The following SPTA1 variants were observed in gnomAD, a reference collection of about 807,000 sequenced individuals.
SPTA1 encodes the protein spectrin alpha, erythrocytic 1, also known as spectrin alpha chain, erythrocytic 1.
SPTA1 carries 177 observed loss-of-function variants against 324.7 expected under a neutral mutation model. The observed-to-expected ratio is 0.55, with a 90% CI of 0.48 to 0.62. The LOEUF is 0.62. SPTA1 is among the 20% of genes least tolerant of loss of function. The probability of loss-of-function intolerance (pLI) is 0.00; values close to 1 mark genes in which losing one functional copy is unlikely to be tolerated. For missense variants in SPTA1, 3,162 were observed against 2,883.6 expected (o/e 1.10, Z -2.21); for synonymous variants, 1,195 against 1,041.3 (o/e 1.15, Z -2.84).
chr1:158,644,542 C>A, intron 29 of SPTA1, 146 bp from the exon 30 acceptor site: 1 of 937,554 alleles, frequency 1.1e-6, no homozygotes, highest in East Asian at 2.6e-5. Context: ...CAAATCTTAG[C>A]TGTACTGGAA....
chr1:158,655,804 C>T (rs1372756468), intron 20 of SPTA1, among the ~76,000 whole-genome samples: 3 of 152,194 alleles, frequency 2.0e-5, no homozygotes, highest in Non-Finnish European at 4.4e-5. Context: ...TTGCCCTGTA[C>T]CTGAGCCATT....
chr1:158,613,133 A>G (rs1257040916), intron 50 of SPTA1, among the ~76,000 whole-genome samples, 172 bp from the exon 51 acceptor site: 1 of 151,980 alleles, frequency 6.6e-6, no homozygotes. Flanking sequence ...GCTCCCCTTC[A>G]TCACCCTCTT....
chr1:158,662,635 C>CTGTAT lies in SPTA1; in HGVS notation c.2464+66_2464+67insATACA. The CTGTAT allele has an allele frequency of 3.1e-6, 5 of 1,608,684 alleles. No homozygotes were observed. The African/African-American group carries it at 5.3e-5, about 17-fold the overall frequency. On this transcript the variant is annotated intron_variant, in intron 17 of 51. Transcript: ENST00000643759. ...TTTCTAGACTCCAACTACTGTACCC[C>CTGTAT]AGATCTCTCTCAATATATAGACCTT...
chr1:158,640,366 C>T (rs1651456145), intron 33 of SPTA1, among the ~76,000 whole-genome samples: 1 of 152,092 alleles, frequency 6.6e-6, no homozygotes. Flanking sequence ...AAGGTCTGGG[C>T]ATCACTCCTT....
At chr1:158,667,717 C>T in intron 15 of SPTA1, 141 bp downstream of exon 15, 1 of 861,174 alleles carries the variant, frequency 1.2e-6, no homozygotes, top group Non-Finnish European at 1.8e-6. Flanking sequence ...AAAATTTTAC[C>T]AATAAAAGAA....
intron 14 of SPTA1, among the ~76,000 whole-genome samples, chr1:158,668,539 T>A (rs575318913): frequency 6.6e-6 from 1 of 152,070 alleles, no homozygotes; most frequent in East Asian, 1.9e-4. Context: ...TATCAAGATA[T>A]AAGAACAAAA....
At chr1:158,614,961 A>G (rs1649467968) in intron 48 of SPTA1, 1 of 464,540 alleles carries the variant, frequency 2.2e-6, no homozygotes. Context: ...GAACTCTGAG[A>G]AATTGGGTAT....
chr1:158,663,054 T>A, intron 16 of SPTA1, 109 bp from the exon 17 acceptor site: 1 of 1,460,964 alleles, frequency 6.8e-7, no homozygotes. Context: ...CCCATATGCA[T>A]TGTGTTCTGA....
At chr1:158,655,286 T>TAACATTAACTGAGAACATAATTTTAAA (rs60327727) in intron 20 of SPTA1, among the ~76,000 whole-genome samples, 15,069 of 151,950 alleles carry the variant, frequency 0.099, 2,487 homozygotes, top group African/African-American at 0.34. Flanking sequence ...CTGAGAACAT[T>TAACATTAACTGAGAACATAATTTTAAA]AACTGAGATC....
chr1:158,672,917 T>C (rs1023491307), intron 10 of SPTA1, among the ~76,000 whole-genome samples: 14 of 149,484 alleles, frequency 9.4e-5, no homozygotes, highest in African/African-American at 3.5e-4. Context: ...GCCAACACGG[T>C]GAAACCCGGT....
intron 18 of SPTA1, among the ~76,000 whole-genome samples, chr1:158,658,356 T>C (rs1652975921): frequency 6.6e-6 from 1 of 152,148 alleles, no homozygotes; most frequent in Admixed American, 6.5e-5. Flanking sequence ...ATAGACCTTT[T>C]CAGAGAAGTT....
rs1192587500 is a variant in SPTA1 at position 158,652,671 on chromosome 1, A to G, written c.3189-18T>C. 3 of 1,613,780 alleles carry G rather than the reference A, an allele frequency of 1.9e-6. No individual in the cohort carries two copies. The highest frequency in any genetic ancestry group is 2.5e-6 in the Non-Finnish European group (3 of 1,179,918). ...AGCGGTATCTGGATGGAGAATTGGG[A>G]AAAGTGGAATAAAAGAAGGAGAAAA... On this transcript the variant is annotated intron_variant, in intron 22 of 51. Transcript: ENST00000643759.
chr1:158,616,051 A>C (rs560827772), intron 47 of SPTA1, among the ~76,000 whole-genome samples: 1 of 152,340 alleles, frequency 6.6e-6, no homozygotes, highest in South Asian at 2.1e-4. Context: ...AGTGAAAAAA[A>C]TGTGGGATAT....
intron 51 of SPTA1, 76 bp downstream of exon 51, chr1:158,612,741 G>T: frequency 1.3e-6 from 2 of 1,545,828 alleles, no homozygotes; most frequent in Non-Finnish European, 1.8e-6. Flanking sequence ...TTTTTTCAAA[G>T]TAGGCCACCG....
chr1:158,617,018 A>AT (rs968410955), intron 47 of SPTA1, among the ~76,000 whole-genome samples: 10 of 146,306 alleles, frequency 6.8e-5, no homozygotes, highest in African/African-American at 2.6e-4. Context: ...TCATTACTTA[A>AT]TTTTTTTCTC....
At chr1:158,612,734 T>C (rs1649335983) in intron 51 of SPTA1, 83 bp downstream of exon 51, 3 of 1,551,160 alleles carry the variant, frequency 1.9e-6, no homozygotes, top group Admixed American at 3.4e-5. Flanking sequence ...GGGTGGGTTT[T>C]TTCAAAGTAG....
intron 35 of SPTA1, among the ~76,000 whole-genome samples, chr1:158,638,673 G>C (rs552910775): frequency 1.3e-5 from 2 of 150,662 alleles, no homozygotes; most frequent in Non-Finnish European, 3.0e-5. Context: ...AAAATTAGCC[G>C]GGCATGCTGG....
At chr1:158,662,981 A>G (rs757016284) in intron 16 of SPTA1, 36 bp from the exon 17 acceptor site, 8 of 1,612,946 alleles carry the variant, frequency 5.0e-6, no homozygotes, top group Non-Finnish European at 6.8e-6. Context: ...AAGAAATCCC[A>G]TCATTTAGTA....
chr1:158,661,551 T>C (rs777329904), intron 17 of SPTA1, 142 bp from the exon 18 acceptor site: 82 of 1,082,900 alleles, frequency 7.6e-5, no homozygotes, highest in Non-Finnish European at 1.0e-4. Flanking sequence ...ATTTATATCA[T>C]CTGTCTGATT....
Sources: allele counts gnomAD v4.1 joint callset (sites outside exome capture counted in the v4.1 genomes callset), GRCh38; gene constraint gnomAD v4.1.1; transcripts MANE v1.5; gene names NCBI Gene and HGNC (gene_info 2026-07-23, HGNC 2026-07-21).